The following MIPOL1 variants were observed in gnomAD, a reference collection of about 807,000 sequenced individuals.
MIPOL1 encodes mirror-image polydactyly 1.
A neutral mutation model predicts 60.9 loss-of-function variants in MIPOL1; 57 were observed. The ratio of observed to expected loss-of-function variants is 0.94; its 90% CI spans 0.76 to 1.17. The LOEUF is 1.17. Ranked by LOEUF, MIPOL1 falls within the 50% of genes most tolerant of loss-of-function variation. The pLI, the probability that MIPOL1 is intolerant of heterozygous loss-of-function variation, is 0.00. For missense variants in MIPOL1, 551 were observed against 511.6 expected (o/e 1.08, Z -0.74); for synonymous variants, 179 against 168.8 (o/e 1.06, Z -0.47).
intron 7 of MIPOL1, among the ~76,000 whole-genome samples, chr14:37,306,015 C>T (rs982233164): frequency 3.3e-5 from 5 of 151,920 alleles, no homozygotes; most frequent in African/African-American, 1.2e-4. Flanking sequence ...AGTCTGAATA[C>T]TAAATTCATG....
intron 9 of MIPOL1, among the ~76,000 whole-genome samples, chr14:37,347,779 A>G (rs2091050380): frequency 6.6e-6 from 1 of 152,240 alleles, no homozygotes; most frequent in South Asian, 2.1e-4. Flanking sequence ...AAATGGGATA[A>G]TATCTTCAAA....
intron 10 of MIPOL1, among the ~76,000 whole-genome samples, chr14:37,373,495 C>T (rs113397602): frequency 0.085 from 12,898 of 151,736 alleles, 834 homozygotes; most frequent in East Asian, 0.31. Flanking sequence ...GCTTGCTGCA[C>T]CCATTAACCC....
chr14:37,263,888 T>G (rs1331407929), intron 3 of MIPOL1, among the ~76,000 whole-genome samples: 1 of 152,210 alleles, frequency 6.6e-6, no homozygotes, highest in Non-Finnish European at 1.5e-5. Context: ...GATAAGAGTT[T>G]GAATCGAAAG....
chr14:37,486,959 T>C (rs1021082961), intron 11 of MIPOL1, among the ~76,000 whole-genome samples: 2 of 152,220 alleles, frequency 1.3e-5, no homozygotes, highest in Non-Finnish European at 1.5e-5. Context: ...CAGTATGATA[T>C]TGACTGTGGG....
intron 11 of MIPOL1, among the ~76,000 whole-genome samples, chr14:37,444,336 C>T (rs2094298549): frequency 6.6e-6 from 1 of 152,156 alleles, no homozygotes; most frequent in Middle Eastern, 3.2e-3. Flanking sequence ...GAATTTAACA[C>T]TGTACTCTGA....
At chr14:37,277,030 T>G (rs1471913827) in intron 6 of MIPOL1, 3 of 151,088 alleles carry the variant, frequency 2.0e-5, no homozygotes, top group African/African-American at 7.2e-5. Context: ...AAAAGTTTGG[T>G]TTTTTTCTGG....
chr14:37,424,734 G>T (rs116721611), intron 11 of MIPOL1, among the ~76,000 whole-genome samples: 1 of 152,084 alleles, frequency 6.6e-6, no homozygotes, highest in Non-Finnish European at 1.5e-5. Flanking sequence ...TACAGGTATC[G>T]AAAACCCTGA....
At chr14:37,418,271 G>A (rs2093807215) in intron 10 of MIPOL1, among the ~76,000 whole-genome samples, 1 of 152,156 alleles carries the variant, frequency 6.6e-6, no homozygotes, top group Non-Finnish European at 1.5e-5. Flanking sequence ...GCTTAGTGAT[G>A]TGAACAGTGT....
chr14:37,267,809 A>AT (rs1203631451), intron 4 of MIPOL1, among the ~76,000 whole-genome samples: 2 of 152,222 alleles, frequency 1.3e-5, no homozygotes, highest in Admixed American at 6.5e-5. Context: ...AAAGTAAAAA[A>AT]CTGGCAGCTC....
chr14:37,547,218 A>G lies in MIPOL1; in HGVS notation c.*247A>G. On this transcript the variant is annotated 3_prime_UTR_variant, in exon 13 of 13. Coordinates refer to ENST00000684589, the MANE Select transcript of MIPOL1 (RefSeq NM_001388067.1). ...ATGGGTAGCTATAAGGTTACAGCTT[A>G]TTTTGTAACTATTTTATATCTCAAT... 2 of 416,830 alleles carry G rather than the reference A, an allele frequency of 4.8e-6. No individual in the cohort carries two copies. The highest frequency in any genetic ancestry group is 1.1e-4 in the South Asian group (2 of 18,082). 25.8% of individuals were successfully genotyped at this position (416,830 alleles called of 1,614,324 possible).
chr14:37,305,722 A>T (rs1345528855), intron 7 of MIPOL1, among the ~76,000 whole-genome samples: 1 of 151,868 alleles, frequency 6.6e-6, no homozygotes, highest in Non-Finnish European at 1.5e-5. Context: ...AGTTACTTGC[A>T]TCTATGCAGA....
chr14:37,302,615 T>C (rs549592026), intron 7 of MIPOL1, among the ~76,000 whole-genome samples: 227 of 151,610 alleles, frequency 1.5e-3, no homozygotes, highest in Non-Finnish European at 2.3e-3. Context: ...CACTTAAATT[T>C]TGATAACATT....
rs1270104747 is a variant in MIPOL1, at chr14:37,496,651, A to T, written c.1032-3257A>T. Among the ~76,000 whole-genome samples the T allele has an allele frequency of 6.1e-3, 922 of 151,416 alleles. 5 individuals carry two copies. The highest frequency in any genetic ancestry group is 0.021 in the African/African-American group (884 of 41,128). On this transcript the variant is annotated intron_variant, in intron 11 of 12. Coordinates refer to ENST00000684589, the MANE Select transcript of MIPOL1 (RefSeq NM_001388067.1). Reference sequence around the variant, plus strand: ...AAACCACTGCTCAATGAAATAAAAGAGGATACAAACAAATGGAAGAACATT... The same window carrying T: ...AAACCACTGCTCAATGAAATAAAAGTGGATACAAACAAATGGAAGAACATT...
intron 11 of MIPOL1, among the ~76,000 whole-genome samples, chr14:37,443,380 G>A (rs2094280200): frequency 7.2e-6 from 1 of 139,220 alleles, no homozygotes; most frequent in Admixed American, 7.8e-5. Context: ...GATTGCCTGA[G>A]CCCAAGAGGT....
intron 1 of MIPOL1, among the ~76,000 whole-genome samples, chr14:37,232,349 A>C (rs1384998275): frequency 1.3e-5 from 2 of 152,166 alleles, no homozygotes; most frequent in Non-Finnish European, 2.9e-5. Context: ...TTTTCTTCAC[A>C]GTGTACTCTC....
At chr14:37,367,353 T>C (rs749055824) in intron 9 of MIPOL1, among the ~76,000 whole-genome samples, 32 of 152,108 alleles carry the variant, frequency 2.1e-4, no homozygotes, top group Non-Finnish European at 4.3e-4. Flanking sequence ...TTTAATGTAG[T>C]TAAATATGCT....
intron 12 of MIPOL1, among the ~76,000 whole-genome samples, chr14:37,533,217 A>T (rs755191656): frequency 2.0e-5 from 3 of 152,178 alleles, no homozygotes; most frequent in African/African-American, 7.2e-5. Flanking sequence ...ACAATGTCTA[A>T]GCCCAATAAC....
At chr14:37,335,602 T>TA (rs2090047115) in intron 9 of MIPOL1, among the ~76,000 whole-genome samples, 1 of 152,156 alleles carries the variant, frequency 6.6e-6, no homozygotes, top group Non-Finnish European at 1.5e-5. Flanking sequence ...CTTTCTTTTT[T>TA]AGACTGAGTA....
At chr14:37,423,262 C>T (rs35137324) in intron 11 of MIPOL1, among the ~76,000 whole-genome samples, 3 of 149,934 alleles carry the variant, frequency 2.0e-5, no homozygotes, top group Non-Finnish European at 4.4e-5. Context: ...CTAAAACAAT[C>T]GTAAATATAA....
Sources: gnomAD v4.1 joint callset for allele counts (sites outside exome capture counted in the v4.1 genomes callset) on GRCh38, gnomAD v4.1.1 for gene constraint, MANE v1.5 for transcripts, NCBI Gene and HGNC (gene_info 2026-07-23, HGNC 2026-07-21) for gene names.